TMED3: variants seen among roughly 807,000 people sequenced by gnomAD.
TMED3 encodes the protein transmembrane emp24 domain-containing protein 3.
A neutral mutation model predicts 15.0 loss-of-function variants in TMED3; 9 were observed. That is an observed-to-expected ratio of 0.60 (90% confidence interval 0.36 to 1.04). TMED3 has a LOEUF of 1.04. Among genes scored for constraint, TMED3 ranks in the 50% least tolerant of loss-of-function variants. The pLI is 0.01. For missense variants in TMED3, 267 were observed against 278.9 expected (o/e 0.96, Z 0.30); for synonymous variants, 117 against 121.4 (o/e 0.96, Z 0.24).
intron 2 of TMED3, among the ~76,000 whole-genome samples, chr15:79,409,984 T>C (rs1219075541): frequency 4.6e-5 from 7 of 152,186 alleles, no homozygotes; most frequent in Admixed American, 4.6e-4. Context: ...GGAAATTTTG[T>C]GCTGAGTTTA....
intron 2 of TMED3, among the ~76,000 whole-genome samples, chr15:79,395,416 G>T (rs528025192): frequency 5.9e-5 from 9 of 152,220 alleles, no homozygotes; most frequent in African/African-American, 2.2e-4. Context: ...CCTGACCTCA[G>T]GTGATCCACC....
chr15:79,329,598 AG>A (rs745730580), intron 2 of TMED3, among the ~76,000 whole-genome samples: 3 of 152,166 alleles, frequency 2.0e-5, no homozygotes, highest in East Asian at 3.9e-4. Context: ...TGTAAGGCAG[AG>A]GTGGCCTGGC....
chr15:79,413,685 C>G (rs1894026810), exon 3 of TMED3: 1 of 152,168 alleles, frequency 6.6e-6, no homozygotes, highest in South Asian at 2.1e-4. Flanking sequence ...AGCTCTTGTT[C>G]AAGCAGGAAC....
Position 79,350,115 on chromosome 15 carries a change from A to G in TMED3, c.417+36110A>G, listed in dbSNP as rs138837745. On this transcript the variant is annotated intron_variant, in intron 2 of 2. Transcript: ENST00000424155. ...GGCCAGCACAGAGAAGGCTCAGTGA[A>G]TATTTGTTGAAGGGCTGGGTTGAAG... Among the ~76,000 whole-genome samples the G allele has an allele frequency of 1.9e-3, 296 of 152,240 alleles. 1 individual carries two copies. The highest frequency in any genetic ancestry group is 6.4e-3 in the African/African-American group (265 of 41,540).
intron 2 of TMED3, among the ~76,000 whole-genome samples, chr15:79,393,633 G>T (rs1387513921): frequency 6.6e-6 from 1 of 152,200 alleles, no homozygotes; most frequent in African/African-American, 2.4e-5. Context: ...AAAGGCAATA[G>T]TCAGCAAATG....
chr15:79,349,011 G>T (rs1017918550), intron 2 of TMED3, among the ~76,000 whole-genome samples: 29 of 151,872 alleles, frequency 1.9e-4, no homozygotes, highest in African/African-American at 6.0e-4. Flanking sequence ...CTAGTTTTTT[G>T]ATTTTTTGTA....
Position 79,322,082 on chromosome 15 carries a change from C to T in TMED3, c.522C>T (p.Asp174=), listed in dbSNP as rs1343335011. 2 of 1,614,070 alleles carry T rather than the reference C, an allele frequency of 1.2e-6. No individual in the cohort carries two copies. The highest frequency in any genetic ancestry group is 2.7e-5 in the African/African-American group (2 of 74,916). ...REAQDRARAE[D]LNSRVSYWSV... is the part of the protein sequence containing the mutation. Reference sequence around the variant, plus strand: ...CCCAGGACCGGGCCCGAGCAGAAGACCTTAATAGCCGAGTCTCTTACTGGT... The same window carrying T: ...CCCAGGACCGGGCCCGAGCAGAAGATCTTAATAGCCGAGTCTCTTACTGGT... The change falls in exon 3 of 3, where the codon GAC becomes GAT. Residue 174 remains aspartate, a synonymous_variant. Transcript: ENST00000299705.
chr15:79,384,666 A>G (rs1393228828), intron 2 of TMED3: 2 of 152,240 alleles, frequency 1.3e-5, no homozygotes, highest in Admixed American at 1.3e-4. Flanking sequence ...ATAATAGCAG[A>G]TAATTGGGTA....
chr15:79,405,053 A>G (rs1567041210), intron 2 of TMED3, among the ~76,000 whole-genome samples: 1 of 152,168 alleles, frequency 6.6e-6, no homozygotes, highest in Admixed American at 6.5e-5. Context: ...ATCTTCTTGG[A>G]CCCAATTCTG....
intron 2 of TMED3, among the ~76,000 whole-genome samples, chr15:79,317,643 A>C (rs1003593911): frequency 6.6e-6 from 1 of 152,220 alleles, no homozygotes; most frequent in East Asian, 1.9e-4. Context: ...ATACACATAT[A>C]CTACCTATGA....
intron 2 of TMED3, among the ~76,000 whole-genome samples, chr15:79,388,110 C>A (rs1044724581): frequency 6.6e-6 from 1 of 151,838 alleles, no homozygotes; most frequent in Admixed American, 6.6e-5. Context: ...GGCATGATGC[C>A]CAGTAAAGTG....
At chr15:79,313,354 A>C (rs954595114) in intron 1 of TMED3, among the ~76,000 whole-genome samples, 1 of 152,186 alleles carries the variant, frequency 6.6e-6, no homozygotes, top group African/African-American at 2.4e-5. Context: ...GAATAGTGCA[A>C]TAGGTAAATG....
At chr15:79,379,227 T>C (rs1032135045) in intron 2 of TMED3, among the ~76,000 whole-genome samples, 4 of 152,202 alleles carry the variant, frequency 2.6e-5, no homozygotes, top group Non-Finnish European at 4.4e-5. Context: ...AGTCCAATAT[T>C]ATCAAATGTC....
intron 2 of TMED3, among the ~76,000 whole-genome samples, chr15:79,402,494 A>G (rs1056177672): frequency 2.6e-5 from 4 of 152,224 alleles, no homozygotes; most frequent in African/African-American, 9.6e-5. Context: ...AGGTGGGCCA[A>G]GGAGGATGGG....
At chr15:79,398,610 T>C (rs1305076485) in intron 2 of TMED3, among the ~76,000 whole-genome samples, 1 of 152,114 alleles carries the variant, frequency 6.6e-6, no homozygotes, top group Non-Finnish European at 1.5e-5. Flanking sequence ...GCAGAGTTAG[T>C]CCCCTTACTC....
intron 2 of TMED3, among the ~76,000 whole-genome samples, chr15:79,349,087 C>A (rs2058881850): frequency 6.6e-6 from 1 of 152,188 alleles, no homozygotes; most frequent in Admixed American, 6.5e-5. Flanking sequence ...ATCCACCCAC[C>A]TCTGCCTTCC....
chr15:79,361,482 G>C (rs898234863), intron 2 of TMED3, among the ~76,000 whole-genome samples: 1 of 152,200 alleles, frequency 6.6e-6, no homozygotes, highest in Non-Finnish European at 1.5e-5. Flanking sequence ...AACGTCATAT[G>C]TTCTCACTTA....
At chr15:79,385,899 T>C (rs1893621307) in intron 2 of TMED3, among the ~76,000 whole-genome samples, 1 of 152,200 alleles carries the variant, frequency 6.6e-6, no homozygotes, top group African/African-American at 2.4e-5. Flanking sequence ...TTAGGTACTA[T>C]TTATTATCTT....
intron 2 of TMED3, among the ~76,000 whole-genome samples, chr15:79,356,986 A>G (rs577863995): frequency 1.6e-4 from 25 of 152,304 alleles, no homozygotes; most frequent in Non-Finnish European, 3.2e-4. Context: ...GGGAAAGCAA[A>G]CTGAAAAACA....
Sources: allele counts gnomAD v4.1 joint callset (sites outside exome capture counted in the v4.1 genomes callset), GRCh38; gene constraint gnomAD v4.1.1; transcripts MANE v1.5; gene names NCBI Gene and HGNC (gene_info 2026-07-23, HGNC 2026-07-21).